Variants in RTTN observed in about 807,000 individuals in gnomAD.
RTTN encodes rotatin.
A neutral mutation model predicts 269.2 loss-of-function variants in RTTN; 182 were observed. The observed-to-expected ratio is 0.68, with a 90% CI of 0.60 to 0.76. RTTN has a LOEUF of 0.76. Ranked by LOEUF, RTTN falls within the 30% of genes least tolerant of loss-of-function variation. The probability of loss-of-function intolerance (pLI) is 0.00; values close to 1 mark genes in which losing one functional copy is unlikely to be tolerated. For synonymous variants in RTTN, 1,006 were observed against 963.5 expected (o/e 1.04, Z -0.82); for missense variants, 2,545 against 2,608.6 (o/e 0.98, Z 0.53).
intron 18 of RTTN, among the ~76,000 whole-genome samples, chr18:70,142,967 G>A (rs996555619): frequency 1.3e-5 from 2 of 152,204 alleles, no homozygotes; most frequent in African/African-American, 4.8e-5. Flanking sequence ...GGAGGCGGCA[G>A]TGATCCAAGA....
At chr18:70,202,100 A>G (rs1316953285) in intron 3 of RTTN, 117 bp from the exon 4 acceptor site, 4 of 602,098 alleles carry the variant, frequency 6.6e-6, no homozygotes, top group Non-Finnish European at 1.1e-5. Context: ...AAAAATTAAA[A>G]AAAAGTCCAG....
At chr18:70,101,350 T>C (rs1043972670) in intron 28 of RTTN, among the ~76,000 whole-genome samples, 3 of 152,256 alleles carry the variant, frequency 2.0e-5, no homozygotes, top group Non-Finnish European at 1.5e-5. Flanking sequence ...CTAGATTTTC[T>C]AGTTTATTTG....
At chr18:70,106,875 C>T (rs1008032818) in intron 28 of RTTN, among the ~76,000 whole-genome samples, 1 of 152,092 alleles carries the variant, frequency 6.6e-6, no homozygotes, top group African/African-American at 2.4e-5. Flanking sequence ...TATCAATTTA[C>T]TTATCTTTCA....
chr18:70,158,607 G>A (rs1409314983), intron 14 of RTTN, among the ~76,000 whole-genome samples: 1 of 152,250 alleles, frequency 6.6e-6, no homozygotes, highest in African/African-American at 2.4e-5. Flanking sequence ...TACTGACCTT[G>A]AACATAAACG....
At chr18:70,076,989 G>A (rs117796182) in intron 32 of RTTN, among the ~76,000 whole-genome samples, 90 of 151,688 alleles carry the variant, frequency 5.9e-4, no homozygotes, top group African/African-American at 2.1e-3. Flanking sequence ...TACAAAACAC[G>A]CCAAACACCC....
chr18:70,105,131 T>C (rs1162740744), intron 28 of RTTN, among the ~76,000 whole-genome samples: 5 of 152,198 alleles, frequency 3.3e-5, no homozygotes, highest in Admixed American at 3.3e-4. Context: ...CTCCTTCAGC[T>C]GTGGTGGGTT....
In RTTN at chr18:70,088,217, T is replaced by C. The variant is rs371835404; in HGVS notation, c.4144-70A>G. On this transcript the variant is annotated intron_variant, in intron 30 of 48. Coordinates refer to ENST00000640769, the MANE Select transcript of RTTN (RefSeq NM_173630.4). ...TCCTAACATGAATTCTTAGTTTTTC[T>C]GGTACATAAATATCACACTTTAAAA... The C allele has an allele frequency of 1.0e-3, 1,451 of 1,409,328 alleles. 25 individuals are homozygous for C. The South Asian group carries it at 0.019, about 19-fold the overall frequency. 87.3% of individuals were successfully genotyped at this position (1,409,328 alleles called of 1,614,324 possible).
At chr18:70,128,063 G>C in intron 24 of RTTN, 1 of 415,222 alleles carries the variant, frequency 2.4e-6, no homozygotes, top group African/African-American at 2.0e-5. Context: ...CTGAGATTTT[G>C]TTCTAATCCA....
chr18:70,022,560 G>A (rs968635117), intron 44 of RTTN, among the ~76,000 whole-genome samples: 3 of 152,130 alleles, frequency 2.0e-5, no homozygotes, highest in South Asian at 2.1e-4. Context: ...GTCCTCTTAA[G>A]AGTAGTACAT....
At chr18:70,120,771 CCAG>C (rs2059715121) in intron 26 of RTTN, among the ~76,000 whole-genome samples, 1 of 152,076 alleles carries the variant, frequency 6.6e-6, no homozygotes, top group South Asian at 2.1e-4. Flanking sequence ...AATTTTAGAG[CCAG>C]GCACGGTGGC....
chr18:70,028,940 AAC>A, intron 42 of RTTN, 139 bp from the exon 43 acceptor site: 1 of 513,024 alleles, frequency 1.9e-6, no homozygotes, highest in East Asian at 3.1e-5. Flanking sequence ...ACTTTGAGGG[AAC>A]TGACAGGCTA....
At chr18:70,044,689 A>T (rs1014998965) in intron 40 of RTTN, among the ~76,000 whole-genome samples, 1 of 152,148 alleles carries the variant, frequency 6.6e-6, no homozygotes, top group African/African-American at 2.4e-5. Flanking sequence ...ATCTTACTAC[A>T]ATGCACTCAT....
chr18:70,154,171 T>A (rs534959482), intron 14 of RTTN, among the ~76,000 whole-genome samples: 30 of 152,128 alleles, frequency 2.0e-4, no homozygotes, highest in South Asian at 6.2e-4. Flanking sequence ...GCATTTTTTT[T>A]AAAAACAAAT....
At chr18:70,186,033 A>T (rs1042052848) in intron 10 of RTTN, among the ~76,000 whole-genome samples, 1 of 150,960 alleles carries the variant, frequency 6.6e-6, no homozygotes, top group Non-Finnish European at 1.5e-5. Flanking sequence ...GCAAATTAAA[A>T]CCCACTAAGA....
chr18:70,055,467 TCTC>T (rs201307879), intron 37 of RTTN, among the ~76,000 whole-genome samples: 1,877 of 152,204 alleles, frequency 0.012, 21 homozygotes, highest in South Asian at 0.038. Context: ...CTGCCCTACT[TCTC>T]CTGATGAATA....
intron 23 of RTTN, among the ~76,000 whole-genome samples, chr18:70,132,406 G>A (rs1325645249): frequency 6.6e-6 from 1 of 151,866 alleles, no homozygotes; most frequent in Non-Finnish European, 1.5e-5. Flanking sequence ...GGGCCATAAA[G>A]TAAAATTCAA....
chr18:70,200,332 T>TA, intron 4 of RTTN, among the ~76,000 whole-genome samples: 1 of 152,126 alleles, frequency 6.6e-6, no homozygotes, highest in Non-Finnish European at 1.5e-5. Context: ...CACCACACAG[T>TA]AAAAATGTGT....
At chr18:70,184,716 T>TTTTTTGTGTGTGTG (rs59000945) in intron 10 of RTTN, among the ~76,000 whole-genome samples, 13 of 33,464 alleles carry the variant, frequency 3.9e-4, no homozygotes, top group East Asian at 3.2e-3. Context: ...TTTTTTTTTT[T>TTTTTTGTGTGTGTG]TGTGTGTGTG....
chr18:70,062,308 A>G (rs1374295277), intron 35 of RTTN, among the ~76,000 whole-genome samples: 2 of 152,190 alleles, frequency 1.3e-5, no homozygotes, highest in East Asian at 3.9e-4. Flanking sequence ...AAGAAGATAC[A>G]TGCAGAGAAG....
Sources: gnomAD v4.1 joint callset for allele counts (sites outside exome capture counted in the v4.1 genomes callset) on GRCh38, gnomAD v4.1.1 for gene constraint, MANE v1.5 for transcripts, NCBI Gene and HGNC (gene_info 2026-07-23, HGNC 2026-07-21) for gene names.